PLGRKT: variants seen among roughly 807,000 people sequenced by gnomAD.
The protein encoded by PLGRKT is plasminogen receptor with a C-terminal lysine, also known as plasminogen receptor (KT).
A neutral mutation model predicts 18.5 loss-of-function variants in PLGRKT; 22 were observed. The ratio of observed to expected loss-of-function variants is 1.19; its 90% CI spans 0.85 to 1.70. The LOEUF is 1.70. Among genes scored for constraint, PLGRKT ranks in the 40% most tolerant of loss-of-function variants. The pLI, the probability that PLGRKT is intolerant of heterozygous loss-of-function variation, is 0.00. For missense variants in PLGRKT, 235 were observed against 174.4 expected, an observed-to-expected ratio of 1.35 and a Z score of -1.96; for synonymous variants, 72 against 52.8, an observed-to-expected ratio of 1.36 and a Z score of -1.58.
At chr9:5,363,136 C>T (rs981132577) in intron 3 of PLGRKT, among the ~76,000 whole-genome samples, 2 of 151,962 alleles carry the variant, frequency 1.3e-5, no homozygotes, top group East Asian at 2.0e-4. Context: ...ATAACAGACA[C>T]TTGGGGAGTG....
intron 2 of PLGRKT, among the ~76,000 whole-genome samples, chr9:5,434,304 T>A (rs1259240412): frequency 8.3e-6 from 1 of 120,188 alleles, no homozygotes; most frequent in African/African-American, 3.4e-5. Context: ...GGCCGCCCCG[T>A]CTGGGAAGTG....
chr9:5,431,991 G>A lies in PLGRKT; in HGVS notation c.-6-8C>T, dbSNP rs768989667. On this transcript the variant is annotated splice_region_variant and splice_polypyrimidine_tract_variant and intron_variant, in intron 2 of 5. Transcript: ENST00000223864. ...TATAAACCCCATTTTGACCTAAAAT[G>A]TAAAAAAAGCAAGGAGACTTATAAT... is the stretch of plus-strand genomic sequence containing the variant. 7.8e-6 allele frequency: 10 copies of A among 1,277,216 alleles called. No homozygotes were observed. Among genetic ancestry groups the A allele is most frequent in the Middle Eastern group, 1.9e-4 (1 of 5,188 alleles). The allele number at this position is 1,277,216 out of a possible 1,614,324, so 79.1% of individuals were successfully genotyped here.
In PLGRKT at chr9:5,358,241, A is replaced by C. The variant is rs927109679; in HGVS notation, c.442T>G (p.Ter148GlyextTer14). 3 of 1,608,140 alleles carry C rather than the reference A, an allele frequency of 1.9e-6. No individual in the cohort carries two copies. Among genetic ancestry groups the C allele is most frequent in the East Asian group, 2.2e-5 (1 of 44,820 alleles). The change falls in exon 6 of 6, where the codon TGA becomes GGA. Residue 148 changes from the stop codon to glycine (G), a stop_lost. Coordinates refer to ENST00000223864, the MANE Select transcript of PLGRKT (RefSeq NM_018465.4). ...AGATTTGATTGGTAAGCATGATTTC[A>C]TTTGTCTATGAAGAATCTACTCTGT... ...KEQSRFFIDK[*>G]
chr9:5,402,546 C>A (rs1166611322), intron 3 of PLGRKT, among the ~76,000 whole-genome samples: 1 of 151,882 alleles, frequency 6.6e-6, no homozygotes, highest in African/African-American at 2.4e-5. Flanking sequence ...ACTGGCTGAT[C>A]CCCATCAGAA....
At chr9:5,432,368 T>C (rs1413830876) in intron 2 of PLGRKT, among the ~76,000 whole-genome samples, 2 of 152,260 alleles carry the variant, frequency 1.3e-5, no homozygotes, top group Non-Finnish European at 2.9e-5. Context: ...TTCTTACCTC[T>C]GTACAATTAG....
At chr9:5,424,061 C>G (rs1009161250) in intron 3 of PLGRKT, among the ~76,000 whole-genome samples, 1 of 142,544 alleles carries the variant, frequency 7.0e-6, no homozygotes. Context: ...CATCACATTG[C>G]CCAGCTAATA....
At chr9:5,400,312 CA>C (rs1818131855) in intron 3 of PLGRKT, among the ~76,000 whole-genome samples, 1 of 151,824 alleles carries the variant, frequency 6.6e-6, no homozygotes, top group South Asian at 2.1e-4. Flanking sequence ...TATGTGGCTT[CA>C]AATTGTGGGG....
At chr9:5,424,003 T>C (rs1340210940) in intron 3 of PLGRKT, among the ~76,000 whole-genome samples, 1 of 136,910 alleles carries the variant, frequency 7.3e-6, no homozygotes, top group Non-Finnish European at 1.5e-5. Flanking sequence ...ATATATGTAT[T>C]TATTTCATCT....
chr9:5,384,429 T>C (rs1817804124), intron 3 of PLGRKT, among the ~76,000 whole-genome samples: 1 of 152,246 alleles, frequency 6.6e-6, no homozygotes, highest in African/African-American at 2.4e-5. Flanking sequence ...AAGTCAGTAG[T>C]GCATGCTATA....
intron 3 of PLGRKT, among the ~76,000 whole-genome samples, chr9:5,377,623 T>A (rs1359766284): frequency 1.3e-5 from 2 of 152,214 alleles, no homozygotes; most frequent in Non-Finnish European, 2.9e-5. Flanking sequence ...TGTAGGAGTT[T>A]CTGTAGAAGA....
chr9:5,384,205 G>A (rs1390524207), intron 3 of PLGRKT, among the ~76,000 whole-genome samples: 1 of 152,208 alleles, frequency 6.6e-6, no homozygotes, highest in Admixed American at 6.5e-5. Context: ...AGAAGTGGAA[G>A]GCCTGGGACT....
At chr9:5,394,817 T>C (rs1214872026) in intron 3 of PLGRKT, among the ~76,000 whole-genome samples, 1 of 151,952 alleles carries the variant, frequency 6.6e-6, no homozygotes, top group Non-Finnish European at 1.5e-5. Context: ...TAAACATGTC[T>C]GTTTTTTAAT....
At chr9:5,425,299 C>G (rs1163940414) in intron 3 of PLGRKT, among the ~76,000 whole-genome samples, 1 of 152,154 alleles carries the variant, frequency 6.6e-6, no homozygotes, top group African/African-American at 2.4e-5. Context: ...ATCCACCATC[C>G]TAACACAGGC....
In PLGRKT at chr9:5,435,321, T is replaced by TAAAAA. The variant is rs61099125; in HGVS notation, c.-7+1243_-7+1247dup. 5.5e-3 allele frequency among the ~76,000 whole-genome samples: 705 copies of TAAAAA among 127,678 alleles called. 5 individuals carry two copies. The highest frequency in any genetic ancestry group is 0.02 in the African/African-American group (657 of 33,142). The allele number at this position is 127,678 out of a possible 152,430, so 83.8% of individuals were successfully genotyped here. The stretch of plus-strand genomic sequence containing the variant: ...ACACCCAAGAATGATCAATAAATAC[T>TAAAAA]AAAAAAAAAAAAAAAAAGAAGAAGA... On this transcript the variant is annotated intron_variant, in intron 2 of 5. Coordinates refer to ENST00000223864, the MANE Select transcript of PLGRKT (RefSeq NM_018465.4).
intron 5 of PLGRKT, among the ~76,000 whole-genome samples, chr9:5,359,642 T>C (rs1030710657): frequency 2.0e-5 from 3 of 152,232 alleles, no homozygotes; most frequent in African/African-American, 7.2e-5. Context: ...GGGTCATCAC[T>C]ATTAACATGG....
intron 3 of PLGRKT, among the ~76,000 whole-genome samples, chr9:5,430,556 T>C (rs1818802947): frequency 6.6e-6 from 1 of 152,224 alleles, no homozygotes; most frequent in Non-Finnish European, 1.5e-5. Context: ...TGAGGCATTG[T>C]TCTATATATT....
chr9:5,433,340 C>T (rs1251539498), intron 2 of PLGRKT, among the ~76,000 whole-genome samples: 2 of 150,038 alleles, frequency 1.3e-5, no homozygotes, highest in East Asian at 2.0e-4. Flanking sequence ...TCTTCCTGAC[C>T]GCCCATCGTC....
intron 3 of PLGRKT, among the ~76,000 whole-genome samples, chr9:5,365,641 T>C (rs1043640165): frequency 2.0e-5 from 3 of 152,154 alleles, no homozygotes; most frequent in African/African-American, 4.8e-5. Context: ...AAAAAGAACA[T>C]TAGAGACAAA....
At chr9:5,373,655 G>A (rs1387230338) in intron 3 of PLGRKT, among the ~76,000 whole-genome samples, 1 of 152,122 alleles carries the variant, frequency 6.6e-6, no homozygotes, top group African/African-American at 2.4e-5. Flanking sequence ...AAAATTAGCT[G>A]GGCATGGTGG....
Sources: gnomAD v4.1 joint callset for allele counts (sites outside exome capture counted in the v4.1 genomes callset) on GRCh38, gnomAD v4.1.1 for gene constraint, MANE v1.5 for transcripts, NCBI Gene and HGNC (gene_info 2026-07-23, HGNC 2026-07-21) for gene names.